The following GNAI3 variants were observed in gnomAD, a reference collection of about 807,000 sequenced individuals.
GNAI3 encodes guanine nucleotide-binding protein G(i) subunit alpha-3.
GNAI3 carries 12 observed loss-of-function variants against 41.8 expected under a neutral mutation model. The observed-to-expected ratio is 0.29, with a 90% CI of 0.18 to 0.47. The LOEUF is 0.47. Ranked by LOEUF, GNAI3 falls within the 20% of genes least tolerant of loss-of-function variation. The pLI is 1.00. For synonymous variants in GNAI3, 132 were observed against 146.5 expected (o/e 0.90, Z 0.71); for missense variants, 360 against 429.6 (o/e 0.84, Z 1.43).
chr1:109,557,771 TAA>T (rs1648197792), intron 1 of GNAI3, among the ~76,000 whole-genome samples: 1 of 152,086 alleles, frequency 6.6e-6, no homozygotes, highest in Non-Finnish European at 1.5e-5. Context: ...CGGTTCCTGG[TAA>T]AGAGTATCAG....
chr1:109,555,190 T>G (rs1289530671), intron 1 of GNAI3, among the ~76,000 whole-genome samples: 1 of 152,104 alleles, frequency 6.6e-6, no homozygotes, highest in African/African-American at 2.4e-5. Context: ...AATCCTAAAA[T>G]TCATGTGGAC....
intron 1 of GNAI3, among the ~76,000 whole-genome samples, chr1:109,555,337 A>G (rs1033135368): frequency 6.6e-6 from 1 of 152,238 alleles, no homozygotes; most frequent in African/African-American, 2.4e-5. Context: ...AAACAGGCAT[A>G]TAGACTAATG....
intron 7 of GNAI3, among the ~76,000 whole-genome samples, chr1:109,587,248 CT>C (rs1183833407): frequency 2.0e-5 from 3 of 152,184 alleles, no homozygotes; most frequent in East Asian, 3.9e-4. Flanking sequence ...TGACACCCCC[CT>C]GCCTCACAAA....
In GNAI3 at chr1:109,599,504, G is replaced by T. The variant is rs1031839331; in HGVS notation, c.*7182G>T. On this transcript the variant is annotated 3_prime_UTR_variant, in exon 9 of 9. Coordinates refer to ENST00000369851, the MANE Select transcript of GNAI3 (RefSeq NM_006496.4). ...GTGGAATCATAGTATTTGTCCTTTT[G>T]TGTCAATCATATTGTATTTTTGTCT... is the stretch of plus-strand genomic sequence containing the variant. 1.3e-5 allele frequency: 2 copies of T among 152,078 alleles called. No homozygotes were observed. The highest frequency in any genetic ancestry group is 2.4e-5 in the African/African-American group (1 of 41,402). 9.4% of individuals were successfully genotyped at this position (152,078 alleles called of 1,614,324 possible).
Position 109,598,536 on chromosome 1 carries a change from C to A in GNAI3, c.*6214C>A. On this transcript the variant is annotated 3_prime_UTR_variant, in exon 9 of 9. Coordinates refer to ENST00000369851, the MANE Select transcript of GNAI3 (RefSeq NM_006496.4). ...TTATACTGCACAGAAAAAAAAAAATCCTAAGGCAGCACCAACAAAGGTATT... is the reference window on the plus strand; with the variant it reads ...TTATACTGCACAGAAAAAAAAAAATACTAAGGCAGCACCAACAAAGGTATT... The A allele has an allele frequency of 5.7e-6, 1 of 174,952 alleles. No individual in the cohort carries two copies. The highest frequency in any genetic ancestry group is 1.2e-4 in the South Asian group (1 of 8,458). The allele number at this position is 174,952 out of a possible 1,614,324, so 10.8% of individuals were successfully genotyped here. A position where few individuals can be genotyped will look rare whatever the true frequency, so the allele number is the denominator to read the frequency against.
chr1:109,575,846 T>C (rs1648727131), intron 3 of GNAI3, among the ~76,000 whole-genome samples: 1 of 151,986 alleles, frequency 6.6e-6, no homozygotes, highest in African/African-American at 2.4e-5. Flanking sequence ...CTTTCCATTA[T>C]CAAATCAATT....
Position 109,598,388 on chromosome 1 carries a change from A to C in GNAI3, c.*6066A>C, listed in dbSNP as rs1649367802. 1 of 152,794 alleles carries C rather than the reference A, an allele frequency of 6.5e-6. No individual in the cohort carries two copies. The highest frequency in any genetic ancestry group is 6.5e-5 in the Admixed American group (1 of 15,356). The allele number at this position is 152,794 out of a possible 1,614,324, so 9.5% of individuals were successfully genotyped here. A position where few individuals can be genotyped will look rare whatever the true frequency, so the allele number is the denominator to read the frequency against. ...GAATCTTGTGTATTCTTTCAGTCTT[A>C]AATCACTCATCTGTTATCTAAAGAT... On this transcript the variant is annotated 3_prime_UTR_variant, in exon 9 of 9. Transcript: ENST00000369851.
At position 109,548,717 on chromosome 1, in the gene GNAI3, C is replaced by T. The variant is rs3814308; in HGVS notation, c.-4C>T. On this transcript the variant is annotated 5_prime_UTR_variant, in exon 1 of 9. Coordinates refer to ENST00000369851, the MANE Select transcript of GNAI3 (RefSeq NM_006496.4). ...GGGCCCGTGTCCCCTCTCCCGCCGCCGCCATGGGCTGCACGTTGAGCGCCG... is the reference window on the plus strand; with the variant it reads ...GGGCCCGTGTCCCCTCTCCCGCCGCTGCCATGGGCTGCACGTTGAGCGCCG... The T allele has an allele frequency of 2.1e-3, 3,401 of 1,607,242 alleles. 26 individuals carry two copies. The East Asian group carries it at 0.029, about 14-fold the overall frequency.
At chr1:109,591,364 TAAGGGTA>T (rs1356118936) in intron 7 of GNAI3, among the ~76,000 whole-genome samples, 2 of 152,150 alleles carry the variant, frequency 1.3e-5, no homozygotes, top group Non-Finnish European at 2.9e-5. Flanking sequence ...TTTAGTAACA[TAAGGGTA>T]ATCAAAACAC....
At chr1:109,577,308 G>C (rs1395395755) in intron 3 of GNAI3, among the ~76,000 whole-genome samples, 1 of 108,110 alleles carries the variant, frequency 9.2e-6, no homozygotes, top group African/African-American at 3.6e-5. Flanking sequence ...ATGGAGTTTT[G>C]CTCTGTCGCC....
intron 1 of GNAI3, among the ~76,000 whole-genome samples, chr1:109,572,117 G>A (rs1459203460): frequency 1.3e-5 from 2 of 152,016 alleles, no homozygotes; most frequent in Admixed American, 1.3e-4. Flanking sequence ...TGACCAGCCT[G>A]GCTAATATGG....
chr1:109,576,083 T>C (rs1218709929), intron 3 of GNAI3, among the ~76,000 whole-genome samples: 1 of 152,204 alleles, frequency 6.6e-6, no homozygotes, highest in Non-Finnish European at 1.5e-5. Flanking sequence ...TTGTTTGTTT[T>C]TTGAGGCGGA....
At chr1:109,591,479 CT>C in intron 7 of GNAI3, 1 of 1,051,030 alleles carries the variant, frequency 9.5e-7, no homozygotes, top group Admixed American at 1.8e-5. Flanking sequence ...GTTGGAGACA[CT>C]TTGTAGCAGA....
rs189148900 is a variant in GNAI3, at chr1:109,599,789, G to C, written c.*7467G>C. On this transcript the variant is annotated 3_prime_UTR_variant, in exon 9 of 9. Transcript: ENST00000369851. ...TTTTGTTAAATGTCCACGATTTAGA[G>C]ACGGCATAATGAAAAAATGACCAAG... 47 of 152,288 alleles carry C rather than the reference G, an allele frequency of 3.1e-4. No homozygotes were observed. The highest frequency in any genetic ancestry group is 3.1e-3 in the Admixed American group (47 of 15,288). 9.4% of individuals were successfully genotyped at this position (152,288 alleles called of 1,614,324 possible).
intron 1 of GNAI3, among the ~76,000 whole-genome samples, chr1:109,549,158 A>G (rs1647913246): frequency 6.6e-6 from 1 of 152,186 alleles, no homozygotes; most frequent in Admixed American, 6.5e-5. Context: ...GGAAGAGTTG[A>G]TACTAGGAAG....
At chr1:109,564,601 T>A (rs1047364160) in intron 1 of GNAI3, among the ~76,000 whole-genome samples, 2 of 152,192 alleles carry the variant, frequency 1.3e-5, no homozygotes, top group East Asian at 3.9e-4. Context: ...TAGTGCAGAT[T>A]CCTCAGATAA....
At position 109,594,332 on chromosome 1, in the gene GNAI3, A is replaced by G. The variant is rs571831330; in HGVS notation, c.*2010A>G. The G allele has an allele frequency of 2.6e-5, 4 of 152,244 alleles. No homozygotes were observed. Among genetic ancestry groups the G allele is most frequent in the South Asian group, 2.1e-4 (1 of 4,836 alleles). 9.4% of individuals were successfully genotyped at this position (152,244 alleles called of 1,614,324 possible). On this transcript the variant is annotated 3_prime_UTR_variant, in exon 9 of 9. Coordinates refer to ENST00000369851, the MANE Select transcript of GNAI3 (RefSeq NM_006496.4). Reference sequence around the variant, plus strand: ...TGTTGTTGATAATCTAAAATAACCAATAATCCAAAAAAGTTCATTTTACTT... The same window carrying G: ...TGTTGTTGATAATCTAAAATAACCAGTAATCCAAAAAAGTTCATTTTACTT...
chr1:109,568,655 G>A (rs955101733), intron 1 of GNAI3, among the ~76,000 whole-genome samples: 1 of 152,082 alleles, frequency 6.6e-6, no homozygotes, highest in African/African-American at 2.4e-5. Context: ...TGATGATTAT[G>A]TATCCAAACT....
chr1:109,552,729 T>A (rs557030243), intron 1 of GNAI3, among the ~76,000 whole-genome samples: 1 of 152,190 alleles, frequency 6.6e-6, no homozygotes, highest in Non-Finnish European at 1.5e-5. Context: ...TTTTTGTTTT[T>A]TTTTGACCCC....
Sources: allele counts gnomAD v4.1 joint callset (sites outside exome capture counted in the v4.1 genomes callset), GRCh38; gene constraint gnomAD v4.1.1; transcripts MANE v1.5; gene names NCBI Gene and HGNC (gene_info 2026-07-23, HGNC 2026-07-21).